Variants in IFI27L1 observed in about 807,000 individuals in gnomAD.
The protein encoded by IFI27L1 is interferon alpha-inducible protein 27-like protein 1.
A neutral mutation model predicts 9.2 loss-of-function variants in IFI27L1; 3 were observed. The ratio of observed to expected loss-of-function variants is 0.32; its 90% CI spans 0.15 to 0.84. IFI27L1 has a LOEUF of 0.84. Ranked by LOEUF, IFI27L1 falls within the 40% of genes least tolerant of loss-of-function variation. The pLI, the probability that IFI27L1 is intolerant of heterozygous loss-of-function variation, is 0.56. For synonymous variants in IFI27L1, 53 were observed against 50.0 expected (o/e 1.06, Z -0.26); for missense variants, 133 against 134.2 (o/e 0.99, Z 0.05).
chr14:94,086,882 A>C (rs963339368), intron 1 of IFI27L1, among the ~76,000 whole-genome samples: 6 of 152,156 alleles, frequency 3.9e-5, no homozygotes, highest in Non-Finnish European at 7.3e-5. Flanking sequence ...TAGGAGTATA[A>C]AATTTTATTT....
intron 1 of IFI27L1, among the ~76,000 whole-genome samples, chr14:94,084,724 G>A (rs1279168171): frequency 6.6e-6 from 1 of 152,132 alleles, no homozygotes; most frequent in Non-Finnish European, 1.5e-5. Flanking sequence ...CACGTTTTAC[G>A]ACTTGAGAGT....
At chr14:94,091,721 TA>T (rs1195667228) in intron 1 of IFI27L1, among the ~76,000 whole-genome samples, 1 of 152,160 alleles carries the variant, frequency 6.6e-6, no homozygotes, top group Non-Finnish European at 1.5e-5. Flanking sequence ...AAAAAACCTT[TA>T]CTCATTAATA....
intron 1 of IFI27L1, among the ~76,000 whole-genome samples, chr14:94,094,512 G>A (rs1187171597): frequency 6.6e-6 from 1 of 152,074 alleles, no homozygotes; most frequent in Non-Finnish European, 1.5e-5. Context: ...AAATAATTCA[G>A]CAAAAGACTT....
rs1484558883 is a variant in IFI27L1 at position 94,096,984 on chromosome 14, T to C, written c.28+19T>C. 4 of 1,602,808 alleles carry C rather than the reference T, an allele frequency of 2.5e-6. No individual in the cohort carries two copies. Among genetic ancestry groups the C allele is most frequent in the East Asian group, 4.5e-5 (2 of 44,696 alleles). ...GACTCAGGTGGGTACTGCACATGAT[T>C]CTGGGGGCTGCTGGTCCTTCCGAGG... is the stretch of plus-strand genomic sequence containing the variant. On this transcript the variant is annotated intron_variant, in intron 2 of 4. Transcript: ENST00000555523.
intron 2 of IFI27L1, chr14:94,097,368 G>A (rs1886711293): frequency 1.8e-6 from 1 of 555,062 alleles, no homozygotes; most frequent in Non-Finnish European, 3.2e-6. Context: ...GTGGTTTTCA[G>A]AGCATCTTTG....
intron 2 of IFI27L1, among the ~76,000 whole-genome samples, chr14:94,098,554 C>T (rs906918312): frequency 6.6e-6 from 1 of 152,186 alleles, no homozygotes; most frequent in African/African-American, 2.4e-5. Flanking sequence ...CATATCTTTT[C>T]GGGTGATGCA....
intron 1 of IFI27L1, among the ~76,000 whole-genome samples, chr14:94,096,109 A>G (rs1472405339): frequency 1.3e-5 from 2 of 152,216 alleles, no homozygotes; most frequent in African/African-American, 2.4e-5. Context: ...AGAGCAGGGA[A>G]TGACTTCTAT....
chr14:94,100,424 C>T (rs1459916476), intron 2 of IFI27L1: 3 of 985,276 alleles, frequency 3.0e-6, no homozygotes, highest in African/African-American at 3.5e-5. Flanking sequence ...TCCTGCCAGC[C>T]CTGAGAGCTC....
chr14:94,087,733 G>GTT, intron 1 of IFI27L1, among the ~76,000 whole-genome samples: 2 of 147,330 alleles, frequency 1.4e-5, no homozygotes, highest in African/African-American at 4.9e-5. Context: ...GCCGATTGTC[G>GTT]TTTTTTTTTT....
chr14:94,093,240 C>T (rs1886545765), intron 1 of IFI27L1, among the ~76,000 whole-genome samples: 1 of 143,070 alleles, frequency 7.0e-6, no homozygotes, highest in Non-Finnish European at 1.5e-5. Context: ...CATCTCAGCT[C>T]ATTGCAAGCT....
At chr14:94,099,194 C>T (rs141309876) in intron 2 of IFI27L1, among the ~76,000 whole-genome samples, 39 of 152,250 alleles carry the variant, frequency 2.6e-4, no homozygotes, top group East Asian at 1.2e-3. Flanking sequence ...GCGCACAGGG[C>T]GGCAGGCGCA....
intron 1 of IFI27L1, chr14:94,088,321 T>C (rs1169118987): frequency 2.8e-6 from 2 of 702,312 alleles, no homozygotes; most frequent in Admixed American, 2.0e-5. Context: ...TTCATTTTAC[T>C]GGCATAGATG....
chr14:94,092,530 A>AC (rs1361071834), intron 1 of IFI27L1, among the ~76,000 whole-genome samples: 1 of 152,132 alleles, frequency 6.6e-6, no homozygotes, highest in Non-Finnish European at 1.5e-5. Flanking sequence ...ACAAAACAAA[A>AC]CAAAAAAAAC....
At chr14:94,100,466 C>A in intron 2 of IFI27L1, 1 of 985,342 alleles carries the variant, frequency 1.0e-6, no homozygotes. Flanking sequence ...GCATGCTCTG[C>A]CCAGTGCTGC....
At position 94,102,088 on chromosome 14, in the gene IFI27L1, TTGTC is replaced by T. The variant is rs1290007256; in HGVS notation, c.223+115_223+118del. On this transcript the variant is annotated intron_variant, in intron 4 of 4. Transcript: ENST00000555523. ...CGTGATCCTCTGCCTCTTGGGCCCT[TTGTC>T]TTTCTGTCACTGTCCCCTCTTCTGG... 7.9e-6 allele frequency: 9 copies of T among 1,143,010 alleles called. No individual in the cohort carries two copies. The African/African-American group carries it at 1.1e-4, about 13-fold the overall frequency. The allele number at this position is 1,143,010 out of a possible 1,614,324, so 70.8% of individuals were successfully genotyped here.
intron 1 of IFI27L1, among the ~76,000 whole-genome samples, chr14:94,094,167 G>A (rs1273529189): frequency 6.6e-6 from 1 of 152,128 alleles, no homozygotes; most frequent in African/African-American, 2.4e-5. Flanking sequence ...GGGGTTAGAG[G>A]TCCCTCTCAG....
intron 3 of IFI27L1, 165 bp downstream of exon 3, chr14:94,100,936 G>A (rs992838007): frequency 5.7e-5 from 44 of 769,302 alleles, no homozygotes; most frequent in Admixed American, 4.0e-4. Flanking sequence ...AGGAAGCAAA[G>A]CAAAGCCATT....
chr14:94,084,466 C>T (rs535162322), intron 1 of IFI27L1, among the ~76,000 whole-genome samples: 3 of 152,166 alleles, frequency 2.0e-5, no homozygotes, highest in South Asian at 2.1e-4. Context: ...CATGCTGCTG[C>T]GGGATAATTA....
At chr14:94,093,621 T>C (rs774561025) in intron 1 of IFI27L1, among the ~76,000 whole-genome samples, 2 of 152,194 alleles carry the variant, frequency 1.3e-5, no homozygotes, top group African/African-American at 2.4e-5. Flanking sequence ...CAGCATGGAT[T>C]GGTGGCTAAC....
Sources: allele counts gnomAD v4.1 joint callset (sites outside exome capture counted in the v4.1 genomes callset), GRCh38; gene constraint gnomAD v4.1.1; transcripts MANE v1.5; gene names NCBI Gene and HGNC (gene_info 2026-07-23, HGNC 2026-07-21).